The following RGS21 variants were observed in gnomAD, a reference collection of about 807,000 sequenced individuals.
The protein encoded by RGS21 is regulator of G protein signaling 21, also known as regulator of G-protein signalling 21.
A neutral mutation model predicts 18.7 loss-of-function variants in RGS21; 19 were observed. The observed-to-expected ratio is 1.01, with a 90% CI of 0.71 to 1.49. The LOEUF is 1.49. Ranked by LOEUF, RGS21 falls within the 40% of genes most tolerant of loss-of-function variation. The pLI is 0.00. For synonymous variants in RGS21, 56 were observed against 57.8 expected, an observed-to-expected ratio of 0.97 and a Z score of 0.14; for missense variants, 194 against 176.8, an observed-to-expected ratio of 1.10 and a Z score of -0.55.
Position 192,366,191 on chromosome 1 carries a change from C to A in RGS21, c.*67C>A. 1.1e-6 allele frequency: 1 copy of A among 930,978 alleles called. No homozygotes were observed. Among genetic ancestry groups the A allele is most frequent in the Non-Finnish European group, 1.7e-6 (1 of 594,996 alleles). 57.7% of individuals were successfully genotyped at this position (930,978 alleles called of 1,614,324 possible). The stretch of plus-strand genomic sequence containing the variant: ...ATATTTTAAATATACAAGCATGATG[C>A]ATTGTCTTTTGTTTTGTTTTTAGGA... On this transcript the variant is annotated 3_prime_UTR_variant, in exon 5 of 5. Transcript: ENST00000417209.
At chr1:192,347,209 A>G in intron 2 of RGS21, 104 bp from the exon 3 acceptor site, 1 of 710,648 alleles carries the variant, frequency 1.4e-6, no homozygotes, top group South Asian at 1.9e-5. Flanking sequence ...CTGTTTGATT[A>G]ACAGCATGAA....
chr1:192,330,097 T>A (rs1247690790), intron 1 of RGS21, among the ~76,000 whole-genome samples: 2 of 152,162 alleles, frequency 1.3e-5, no homozygotes, highest in African/African-American at 2.4e-5. Flanking sequence ...TAAAGCTGAA[T>A]AAATATTTAA....
chr1:192,352,705 A>T (rs1264204317), intron 4 of RGS21, among the ~76,000 whole-genome samples: 1 of 152,020 alleles, frequency 6.6e-6, no homozygotes, highest in Non-Finnish European at 1.5e-5. Context: ...ATTGAGCCAA[A>T]GATGTGGGGC....
At chr1:192,343,332 G>A (rs564404318) in intron 2 of RGS21, among the ~76,000 whole-genome samples, 18 of 152,078 alleles carry the variant, frequency 1.2e-4, no homozygotes, top group Admixed American at 1.2e-3. Flanking sequence ...ATGAATTAGA[G>A]ACATAACATA....
In RGS21 at chr1:192,343,007, C is replaced by G. The variant is rs773410712; in HGVS notation, c.-30C>G. 1 of 1,611,276 alleles carries G rather than the reference C, an allele frequency of 6.2e-7. No individual in the cohort carries two copies. The highest frequency in any genetic ancestry group is 1.1e-5 in the South Asian group (1 of 90,978). On this transcript the variant is annotated 5_prime_UTR_variant, in exon 2 of 5. Coordinates refer to ENST00000417209, the MANE Select transcript of RGS21 (RefSeq NM_001039152.3). Reference sequence around the variant, plus strand: ...AGATCAGTCAGAAAGAGAAACTCGGCATCATCTGTGACAGACAGTGGAACG... The same window carrying G: ...AGATCAGTCAGAAAGAGAAACTCGGGATCATCTGTGACAGACAGTGGAACG...
At chr1:192,346,093 A>G (rs1167838096) in intron 2 of RGS21, among the ~76,000 whole-genome samples, 1 of 152,090 alleles carries the variant, frequency 6.6e-6, no homozygotes, top group Non-Finnish European at 1.5e-5. Flanking sequence ...TCAGCTGCCT[A>G]CAACAGGAGA....
At chr1:192,336,885 T>A (rs1658776150) in intron 1 of RGS21, among the ~76,000 whole-genome samples, 1 of 152,142 alleles carries the variant, frequency 6.6e-6, no homozygotes, top group Admixed American at 6.5e-5. Context: ...AAATAGTGAT[T>A]GGCTGGGTGA....
intron 4 of RGS21, among the ~76,000 whole-genome samples, chr1:192,357,484 G>C (rs1323005595): frequency 6.6e-6 from 1 of 151,828 alleles, no homozygotes; most frequent in African/African-American, 2.4e-5. Context: ...TCTGTACAGA[G>C]ATTTTACATG....
chr1:192,366,684 T>C lies in RGS21; in HGVS notation c.*560T>C, dbSNP rs1659265408. The C allele has an allele frequency of 6.6e-6, 1 of 152,138 alleles. No homozygotes were observed. The highest frequency in any genetic ancestry group is 1.5e-5 in the Non-Finnish European group (1 of 68,016). The allele number at this position is 152,138 out of a possible 1,614,324, so 9.4% of individuals were successfully genotyped here. ...TACACATTTATATGTATGTCTTGAA[T>C]GCACCATGGACCAAAGTTTTTCAAA... On this transcript the variant is annotated 3_prime_UTR_variant, in exon 5 of 5. Coordinates refer to ENST00000417209, the MANE Select transcript of RGS21 (RefSeq NM_001039152.3).
At chr1:192,365,443 A>C (rs955213155) in intron 4 of RGS21, among the ~76,000 whole-genome samples, 1 of 152,118 alleles carries the variant, frequency 6.6e-6, no homozygotes, top group Non-Finnish European at 1.5e-5. Context: ...TATTTGATCC[A>C]TTTATCAAAT....
In RGS21 at chr1:192,334,144, C is replaced by T. The variant is rs1017384720; in HGVS notation, c.-60-8833C>T. On this transcript the variant is annotated intron_variant, in intron 1 of 4. Coordinates refer to ENST00000417209, the MANE Select transcript of RGS21 (RefSeq NM_001039152.3). ...CTTTGCTAATCTAGGCTACGTTTCT[C>T]GACAGTGAACTTTTCAACATAAGTG... Among the ~76,000 whole-genome samples, 11 of 152,098 alleles carry T rather than the reference C, an allele frequency of 7.2e-5. No individual in the cohort carries two copies. In the South Asian group the frequency reaches 1.7e-3, roughly 23 times the overall value.
chr1:192,362,999 T>C (rs1659207119), intron 4 of RGS21, among the ~76,000 whole-genome samples: 1 of 152,074 alleles, frequency 6.6e-6, no homozygotes, highest in African/African-American at 2.4e-5. Context: ...TGCTAGGTGT[T>C]AGTTAAATTT....
Position 192,365,955 on chromosome 1 carries a change from C to G in RGS21, c.290C>G (p.Ser97Ter), listed in dbSNP as rs1330406846. 6.2e-7 allele frequency: 1 copy of G among 1,609,842 alleles called. No homozygotes were observed. The highest frequency in any genetic ancestry group is 8.5e-7 in the Non-Finnish European group (1 of 1,177,034). The change falls in exon 5 of 5, where the codon TCA (serine) becomes TGA (stop). Residue 97 changes from serine to a stop codon, truncating the protein, a stop_gained. Coordinates refer to ENST00000417209, the MANE Select transcript of RGS21 (RefSeq NM_001039152.3). LOFTEE classifies it high-confidence loss of function. ...NIDFGTRDLI[S>*]KNIAEPTLKC... ...GACTTCGGTACCAGAGACCTCATCTCAAAGAATATTGCTGAACCAACACTC... is the reference window on the plus strand; with the variant it reads ...GACTTCGGTACCAGAGACCTCATCTGAAAGAATATTGCTGAACCAACACTC...
In RGS21 at chr1:192,366,624, C is replaced by T. The variant is rs1659264158; in HGVS notation, c.*500C>T. On this transcript the variant is annotated 3_prime_UTR_variant, in exon 5 of 5. Coordinates refer to ENST00000417209, the MANE Select transcript of RGS21 (RefSeq NM_001039152.3). ...AATGTGGTTATGAAAACTGCTACGCCTCTCAAATTATATTTTTTAAATCAC... is the reference window on the plus strand; with the variant it reads ...AATGTGGTTATGAAAACTGCTACGCTTCTCAAATTATATTTTTTAAATCAC... The T allele has an allele frequency of 6.6e-6, 1 of 152,230 alleles. No individual in the cohort carries two copies. Among genetic ancestry groups the T allele is most frequent in the Non-Finnish European group, 1.5e-5 (1 of 68,246 alleles). 9.4% of individuals were successfully genotyped at this position (152,230 alleles called of 1,614,324 possible).
At chr1:192,324,859 T>C (rs1451762633) in intron 1 of RGS21, among the ~76,000 whole-genome samples, 5 of 151,986 alleles carry the variant, frequency 3.3e-5, no homozygotes, top group Admixed American at 3.3e-4. Flanking sequence ...CTTAGTAACA[T>C]GGTAATCATT....
At chr1:192,320,733 A>G (rs1333274515) in intron 1 of RGS21, among the ~76,000 whole-genome samples, 1 of 152,036 alleles carries the variant, frequency 6.6e-6, no homozygotes, top group Admixed American at 6.6e-5. Context: ...GCAGTTTCAG[A>G]AAAAAAGAGA....
At chr1:192,341,395 A>C (rs1658859427) in intron 1 of RGS21, among the ~76,000 whole-genome samples, 2 of 152,042 alleles carry the variant, frequency 1.3e-5, no homozygotes, top group African/African-American at 4.8e-5. Flanking sequence ...GCCTAAACCC[A>C]CTGGACCAAA....
At chr1:192,341,071 C>A (rs1658852123) in intron 1 of RGS21, among the ~76,000 whole-genome samples, 1 of 152,042 alleles carries the variant, frequency 6.6e-6, no homozygotes, top group South Asian at 2.1e-4. Context: ...TTTGAGGAGA[C>A]TATCTCTTTC....
rs1404345924 is a variant in RGS21, at chr1:192,352,190, A to G, written c.232A>G (p.Ile78Val). 6 of 1,608,328 alleles carry G rather than the reference A, an allele frequency of 3.7e-6. No homozygotes were observed. Among genetic ancestry groups the G allele is most frequent in the South Asian group, 3.3e-5 (3 of 90,414 alleles). ...AGCCAAGATGATTTATTCTGAATTC[A>G]TTGAAGCTGATGCACCTAAAGAGGT... ...SKAKMIYSEFIEADAPKEINI... is the reference protein window; with the variant it reads ...SKAKMIYSEFVEADAPKEINI... Residue 78 changes from isoleucine to valine, a missense_variant, in exon 4 of 5, where the codon ATT becomes GTT. Coordinates refer to ENST00000417209, the MANE Select transcript of RGS21 (RefSeq NM_001039152.3).
Sources: gnomAD v4.1 joint callset for allele counts (sites outside exome capture counted in the v4.1 genomes callset) on GRCh38, gnomAD v4.1.1 for gene constraint, MANE v1.5 for transcripts, NCBI Gene and HGNC (gene_info 2026-07-23, HGNC 2026-07-21) for gene names.